The following RBFOX1 variants were observed in gnomAD, a reference collection of about 807,000 sequenced individuals.
RBFOX1 encodes RNA binding fox-1 homolog 1.
Under a neutral mutation model 57.7 loss-of-function variants are expected in RBFOX1, and 8 were observed. That is an observed-to-expected ratio of 0.14 (90% CI 0.08 to 0.25). The LOEUF (loss-of-function observed/expected upper bound fraction) is 0.25. Among genes scored for constraint, RBFOX1 ranks in the 10% least tolerant of loss-of-function variants. The pLI, the probability that RBFOX1 is intolerant of heterozygous loss-of-function variation, is 1.00. For missense variants in RBFOX1, 611 were observed against 548.5 expected (o/e 1.11, Z -1.14); for synonymous variants, 326 against 222.4 (o/e 1.47, Z -4.15).
chr16:6,651,188 C>A (rs553137021), intron 2 of RBFOX1, among the ~76,000 whole-genome samples: 2 of 152,290 alleles, frequency 1.3e-5, no homozygotes, highest in East Asian at 1.9e-4. Context: ...AGGCGTGAGC[C>A]ACCACACCCG....
intron 4 of RBFOX1, among the ~76,000 whole-genome samples, chr16:6,013,423 T>G (rs575441463): frequency 8.5e-5 from 13 of 152,314 alleles, no homozygotes; most frequent in Non-Finnish European, 2.9e-5. Flanking sequence ...TGAACCTCCC[T>G]TTGTATTTTT....
intron 3 of RBFOX1, among the ~76,000 whole-genome samples, chr16:6,675,579 T>C (rs12928316): frequency 0.87 from 132,723 of 152,170 alleles, 58,665 homozygotes; most frequent in East Asian, 1. Context: ...CTGATAAAGA[T>C]GTACCTGAGA....
chr16:5,945,782 G>T (rs903063166), intron 4 of RBFOX1, among the ~76,000 whole-genome samples: 2 of 152,182 alleles, frequency 1.3e-5, no homozygotes, highest in Non-Finnish European at 2.9e-5. Flanking sequence ...TGGCTACCCA[G>T]TGAGGCTCTA....
chr16:5,704,174 A>T (rs2051153269), intron 3 of RBFOX1, among the ~76,000 whole-genome samples: 1 of 152,178 alleles, frequency 6.6e-6, no homozygotes, highest in Admixed American at 6.5e-5. Context: ...AAATGCAGAG[A>T]CATTTAGTAC....
At chr16:7,709,030 A>G (rs1486836632) in intron 14 of RBFOX1, 26 bp from the exon 15 acceptor site, 1 of 1,587,278 alleles carries the variant, frequency 6.3e-7, no homozygotes, top group Non-Finnish European at 8.7e-7. Context: ...ACTGTGGATC[A>G]ATCTTCACCT....
At position 7,032,392 on chromosome 16, in the gene RBFOX1, C is replaced by T. The variant is rs936200963; in HGVS notation, c.-15-19665C>T. Reference sequence around the variant, plus strand: ...CCCAGGAGGTGGAGGTTGCAGTGAGCTGAGATCCCAGTGCACTCCAATCTG... The same window carrying T: ...CCCAGGAGGTGGAGGTTGCAGTGAGTTGAGATCCCAGTGCACTCCAATCTG... On this transcript the variant is annotated intron_variant, in intron 3 of 15. Transcript: ENST00000550418. Among the ~76,000 whole-genome samples the T allele has an allele frequency of 1.2e-4, 19 of 152,048 alleles. 1 individual carries two copies. Among genetic ancestry groups the T allele is most frequent in the African/African-American group, 3.6e-4 (15 of 41,398 alleles).
intron 2 of RBFOX1, among the ~76,000 whole-genome samples, chr16:6,548,228 CTTTTG>C (rs2153856484): frequency 6.6e-6 from 1 of 152,240 alleles, no homozygotes; most frequent in East Asian, 1.9e-4. Flanking sequence ...GTCTTGTAAA[CTTTTG>C]TTTTGTTTTG....
intron 4 of RBFOX1, among the ~76,000 whole-genome samples, chr16:7,276,081 T>C (rs995074417): frequency 6.6e-6 from 1 of 152,184 alleles, no homozygotes; most frequent in African/African-American, 2.4e-5. Context: ...TAAACATACC[T>C]CTTTGTCCAT....
chr16:6,062,179 G>A (rs1445165732), intron 1 of RBFOX1, among the ~76,000 whole-genome samples: 1 of 152,098 alleles, frequency 6.6e-6, no homozygotes, highest in African/African-American at 2.4e-5. Context: ...CTTCTAGGTA[G>A]CCCCACTAGT....
Position 7,612,153 on chromosome 16 carries a change from C to G in RBFOX1, c.676+4815C>G, listed in dbSNP as rs1039793031. On this transcript the variant is annotated intron_variant, in intron 10 of 15. Transcript: ENST00000550418. ...TGGCTAACACGATGAAACCCCGTCT[C>G]TACTAAAAATACAAAAAATTAGCCG... Among the ~76,000 whole-genome samples the G allele has an allele frequency of 3.3e-5, 5 of 151,878 alleles. No individual in the cohort carries two copies. The South Asian group carries it at 6.2e-4, about 19-fold the overall frequency.
At chr16:5,572,642 T>C (rs1203340819) in intron 2 of RBFOX1, among the ~76,000 whole-genome samples, 4 of 152,024 alleles carry the variant, frequency 2.6e-5, no homozygotes, top group Non-Finnish European at 4.4e-5. Flanking sequence ...ATCTGTGAAA[T>C]AGTGTAATGG....
At chr16:5,686,826 C>T (rs574628807) in intron 3 of RBFOX1, among the ~76,000 whole-genome samples, 1 of 152,304 alleles carries the variant, frequency 6.6e-6, no homozygotes, top group East Asian at 1.9e-4. Context: ...CTAGTTCTGA[C>T]AGAAGTCATA....
chr16:6,310,871 T>TGAA, intron 1 of RBFOX1, among the ~76,000 whole-genome samples: 1 of 145,938 alleles, frequency 6.9e-6, no homozygotes, highest in East Asian at 2.0e-4. Flanking sequence ...CCTGAAGCTA[T>TGAA]GAAGAACAGG....
At chr16:6,807,226 T>A (rs1347723311) in intron 3 of RBFOX1, among the ~76,000 whole-genome samples, 2 of 151,976 alleles carry the variant, frequency 1.3e-5, no homozygotes, top group Non-Finnish European at 2.9e-5. Flanking sequence ...TTCCAGTAGT[T>A]CAAGTGACAG....
At chr16:6,746,776 C>G (rs1281270660) in intron 3 of RBFOX1, among the ~76,000 whole-genome samples, 1 of 151,902 alleles carries the variant, frequency 6.6e-6, no homozygotes, top group Non-Finnish European at 1.5e-5. Flanking sequence ...TACATATAAT[C>G]AATACTTATA....
chr16:5,877,193 C>T (rs1224170836), intron 4 of RBFOX1, among the ~76,000 whole-genome samples: 1 of 152,218 alleles, frequency 6.6e-6, no homozygotes, highest in Non-Finnish European at 1.5e-5. Context: ...ATGAAGCAAA[C>T]TACATACTGA....
At chr16:6,628,334 A>G (rs2098337481) in intron 2 of RBFOX1, among the ~76,000 whole-genome samples, 2 of 152,328 alleles carry the variant, frequency 1.3e-5, no homozygotes, top group African/African-American at 2.4e-5. Flanking sequence ...TCCTAAACCT[A>G]GAGTATGTCC....
At chr16:6,698,147 A>T (rs1271753565) in intron 3 of RBFOX1, among the ~76,000 whole-genome samples, 3 of 152,184 alleles carry the variant, frequency 2.0e-5, no homozygotes, top group Non-Finnish European at 4.4e-5. Flanking sequence ...AGAAACCAGA[A>T]ATCCACTTAT....
chr16:5,480,301 G>A (rs192901501), intron 2 of RBFOX1, among the ~76,000 whole-genome samples: 1 of 151,868 alleles, frequency 6.6e-6, no homozygotes, highest in Non-Finnish European at 1.5e-5. Context: ...GTCCCAAAGA[G>A]GATGAGATAA....
Sources: gnomAD v4.1 joint callset for allele counts (sites outside exome capture counted in the v4.1 genomes callset) on GRCh38, gnomAD v4.1.1 for gene constraint, MANE v1.5 for transcripts, NCBI Gene and HGNC (gene_info 2026-07-23, HGNC 2026-07-21) for gene names.